LRRC4C: variants seen among roughly 807,000 people sequenced by gnomAD.
The protein encoded by LRRC4C is leucine-rich repeat-containing protein 4C.
LRRC4C carries 5 observed loss-of-function variants against 33.6 expected under a neutral mutation model. That is an observed-to-expected ratio of 0.15 (90% CI 0.08 to 0.31). The LOEUF (loss-of-function observed/expected upper bound fraction) is 0.31, where lower values mean the gene tolerates loss of function less well. Ranked by LOEUF, LRRC4C falls within the 10% of genes least tolerant of loss-of-function variation. The pLI is 1.00. For synonymous variants in LRRC4C, 329 were observed against 302.0 expected (o/e 1.09, Z -0.93); for missense variants, 560 against 796.7 (o/e 0.70, Z 3.58).
intron 1 of LRRC4C, among the ~76,000 whole-genome samples, chr11:41,264,686 G>C (rs1236057753): frequency 6.6e-6 from 1 of 152,116 alleles, no homozygotes; most frequent in African/African-American, 2.4e-5. Context: ...CTCTGTGTTA[G>C]ATATCAGGCA....
chr11:40,974,222 G>A (rs1447709246), intron 1 of LRRC4C, among the ~76,000 whole-genome samples: 1 of 152,066 alleles, frequency 6.6e-6, no homozygotes, highest in East Asian at 1.9e-4. Context: ...CATTTGACGT[G>A]AGTTCTACTC....
intron 3 of LRRC4C, among the ~76,000 whole-genome samples, chr11:40,626,892 C>T (rs563301951): frequency 1.3e-5 from 2 of 152,266 alleles, no homozygotes; most frequent in African/African-American, 4.8e-5. Flanking sequence ...GACACATTCC[C>T]TCAGTTTGCA....
At chr11:40,163,426 G>T (rs1460309749) in intron 5 of LRRC4C, among the ~76,000 whole-genome samples, 1 of 152,074 alleles carries the variant, frequency 6.6e-6, no homozygotes, top group Non-Finnish European at 1.5e-5. Flanking sequence ...GGAATCACCG[G>T]GTTGCAAAAT....
intron 1 of LRRC4C, among the ~76,000 whole-genome samples, chr11:41,331,874 AC>A (rs903444013): frequency 2.0e-5 from 3 of 152,156 alleles, no homozygotes; most frequent in African/African-American, 7.2e-5. Flanking sequence ...GGAACTATTA[AC>A]TTTTGTTTGT....
chr11:40,733,628 T>G (rs759161134), intron 2 of LRRC4C, among the ~76,000 whole-genome samples: 1 of 152,170 alleles, frequency 6.6e-6, no homozygotes, highest in Non-Finnish European at 1.5e-5. Context: ...AAATCTCAGA[T>G]AGAAAGTATG....
chr11:40,173,646 T>G (rs1331584508), intron 5 of LRRC4C, among the ~76,000 whole-genome samples: 1 of 152,130 alleles, frequency 6.6e-6, no homozygotes, highest in Non-Finnish European at 1.5e-5. Flanking sequence ...GGAAACAAAA[T>G]CTCAGTGGAT....
chr11:40,600,689 T>C (rs1959901003), intron 3 of LRRC4C, among the ~76,000 whole-genome samples: 1 of 152,204 alleles, frequency 6.6e-6, no homozygotes, highest in African/African-American at 2.4e-5. Context: ...ATAATCTATT[T>C]GTATTCTCCA....
At chr11:41,209,650 A>AT (rs1349793121) in intron 1 of LRRC4C, among the ~76,000 whole-genome samples, 1 of 151,874 alleles carries the variant, frequency 6.6e-6, no homozygotes, top group Non-Finnish European at 1.5e-5. Flanking sequence ...GTCTCAAAAA[A>AT]AAAAAAAAAT....
intron 1 of LRRC4C, among the ~76,000 whole-genome samples, chr11:41,255,670 C>T (rs1299256401): frequency 6.6e-6 from 1 of 151,898 alleles, no homozygotes. Context: ...CTCTGACATC[C>T]TCCTGATACC....
At chr11:40,819,275 TA>T (rs1951827130) in intron 2 of LRRC4C, among the ~76,000 whole-genome samples, 1 of 152,010 alleles carries the variant, frequency 6.6e-6, no homozygotes, top group Non-Finnish European at 1.5e-5. Context: ...TTGATGAAAA[TA>T]ACTAGTTCAA....
At chr11:40,984,915 T>TTTTTTTG (rs1852886525) in intron 1 of LRRC4C, among the ~76,000 whole-genome samples, 1 of 137,240 alleles carries the variant, frequency 7.3e-6, no homozygotes, top group African/African-American at 2.8e-5. Flanking sequence ...TTTTTTTTTT[T>TTTTTTTG]TTTTGAGACG....
intron 2 of LRRC4C, among the ~76,000 whole-genome samples, chr11:40,898,482 C>T (rs181142423): frequency 7.7e-4 from 117 of 151,128 alleles, no homozygotes; most frequent in Middle Eastern, 3.5e-3. Flanking sequence ...AATAATCATA[C>T]GGATAGAAAA....
intron 1 of LRRC4C, among the ~76,000 whole-genome samples, chr11:41,355,863 G>A (rs1163281472): frequency 6.6e-6 from 1 of 151,952 alleles, no homozygotes; most frequent in Admixed American, 6.6e-5. Flanking sequence ...CTACTAAGGA[G>A]AATGTGAAAA....
chr11:40,556,210 C>T (rs1591094727), intron 3 of LRRC4C, among the ~76,000 whole-genome samples: 4 of 152,322 alleles, frequency 2.6e-5, no homozygotes, highest in Admixed American at 6.5e-5. Flanking sequence ...AATGTTCTTT[C>T]GCATAAGTAG....
intron 3 of LRRC4C, among the ~76,000 whole-genome samples, chr11:40,526,380 A>G (rs1212647406): frequency 6.6e-6 from 1 of 152,194 alleles, no homozygotes; most frequent in East Asian, 1.9e-4. Context: ...TGAAATTCAT[A>G]TGAAATTGCC....
chr11:40,636,995 A>G (rs1941791929), intron 3 of LRRC4C, among the ~76,000 whole-genome samples: 1 of 152,138 alleles, frequency 6.6e-6, no homozygotes, highest in Non-Finnish European at 1.5e-5. Flanking sequence ...TAGGAGGATC[A>G]TTCCCCCCTT....
chr11:41,453,874 G>A (rs1216291505), intron 1 of LRRC4C, among the ~76,000 whole-genome samples: 2 of 152,034 alleles, frequency 1.3e-5, no homozygotes, highest in African/African-American at 4.8e-5. Context: ...CACAAATTCT[G>A]ATGCTTAAGG....
At chr11:40,142,626 T>C (rs2134996505) in intron 5 of LRRC4C, among the ~76,000 whole-genome samples, 2 of 152,308 alleles carry the variant, frequency 1.3e-5, no homozygotes, top group East Asian at 3.9e-4. Context: ...TTGCTTCTCC[T>C]CTTGCCTCAG....
intron 4 of LRRC4C, among the ~76,000 whole-genome samples, chr11:40,265,652 T>C (rs1942196274): frequency 6.6e-6 from 1 of 152,304 alleles, no homozygotes. Context: ...TTGGCACTAA[T>C]GCATTGTCAG....
Sources: gnomAD v4.1 joint callset for allele counts (sites outside exome capture counted in the v4.1 genomes callset) on GRCh38, gnomAD v4.1.1 for gene constraint, MANE v1.5 for transcripts, NCBI Gene and HGNC (gene_info 2026-07-23, HGNC 2026-07-21) for gene names.